The following METTL15 variants were observed in gnomAD, a reference collection of about 807,000 sequenced individuals.
METTL15 encodes 12S rRNA N(4)-cytidine methyltransferase METTL15.
In METTL15, 34 loss-of-function variants were observed where a neutral mutation model predicts 38.3. That is an observed-to-expected ratio of 0.89 (90% CI 0.68 to 1.18). The LOEUF is 1.18. Ranked by LOEUF, METTL15 falls within the 50% of genes most tolerant of loss-of-function variation. The probability of loss-of-function intolerance (pLI) is 0.00; values close to 1 mark genes in which losing one functional copy is unlikely to be tolerated. For synonymous variants in METTL15, 162 were observed against 170.9 expected, an observed-to-expected ratio of 0.95 and a Z score of 0.41; for missense variants, 438 against 498.4, an observed-to-expected ratio of 0.88 and a Z score of 1.15.
At chr11:28,467,405 AGGC>A (rs1405254841) in intron 6 of METTL15, among the ~76,000 whole-genome samples, 1 of 152,214 alleles carries the variant, frequency 6.6e-6, no homozygotes, top group Non-Finnish European at 1.5e-5. Context: ...CTCAGCTCCC[AGGC>A]CTTCGACAAG....
At chr11:28,204,960 G>C (rs928174361) in intron 3 of METTL15, among the ~76,000 whole-genome samples, 1 of 151,762 alleles carries the variant, frequency 6.6e-6, no homozygotes, top group South Asian at 2.1e-4. Context: ...TGTGTCTTTG[G>C]AGCACAAAAT....
intron 6 of METTL15, among the ~76,000 whole-genome samples, chr11:28,307,862 A>G (rs1045270684): frequency 6.6e-6 from 1 of 151,994 alleles, no homozygotes; most frequent in African/African-American, 2.4e-5. Flanking sequence ...TTGGCTACAT[A>G]TATATTTTTA....
chr11:28,435,738 A>G (rs947284644), intron 6 of METTL15, among the ~76,000 whole-genome samples: 2 of 152,184 alleles, frequency 1.3e-5, no homozygotes, highest in African/African-American at 4.8e-5. Flanking sequence ...CTACTTCATG[A>G]TATAAAAGTC....
Position 28,332,016 on chromosome 11 carries a change from A to T in METTL15, c.*1175A>T, listed in dbSNP as rs1204394443. 1 of 152,178 alleles carries T rather than the reference A, an allele frequency of 6.6e-6. No homozygotes were observed. The highest frequency in any genetic ancestry group is 2.4e-5 in the African/African-American group (1 of 41,462). 9.4% of individuals were successfully genotyped at this position (152,178 alleles called of 1,614,324 possible). A position where few individuals can be genotyped will look rare whatever the true frequency, so the allele number is the denominator to read the frequency against. The stretch of plus-strand genomic sequence containing the variant: ...AAATACAGAAAAAAGATTCTCCATT[A>T]TAGTTACAAATTTTAGGTTGGTGAA... On this transcript the variant is annotated 3_prime_UTR_variant, in exon 7 of 7. Transcript: ENST00000407364.
At chr11:28,296,104 G>A (rs900350740) in intron 5 of METTL15, among the ~76,000 whole-genome samples, 1 of 152,006 alleles carries the variant, frequency 6.6e-6, no homozygotes. Context: ...ATCTAGACTT[G>A]TTCAATACTG....
chr11:28,332,953 AG>A lies in METTL15; in HGVS notation c.*2114del, dbSNP rs1555038988. 1 of 120,752 alleles carries A rather than the reference AG, an allele frequency of 8.3e-6. No homozygotes were observed. The highest frequency in any genetic ancestry group is 2.6e-4 in the East Asian group (1 of 3,780). 7.5% of individuals were successfully genotyped at this position (120,752 alleles called of 1,614,324 possible). A position where few individuals can be genotyped will look rare whatever the true frequency, so the allele number is the denominator to read the frequency against. On this transcript the variant is annotated 3_prime_UTR_variant, in exon 7 of 7. Coordinates refer to ENST00000407364, the MANE Select transcript of METTL15 (RefSeq NM_001113528.2). ...CTCTGTCTCAAAAAAAAAAAAAAAA[AG>A]GAAGAAAGAGAAGATAGAGACACAG...
chr11:28,260,578 G>A (rs191276359), intron 4 of METTL15, among the ~76,000 whole-genome samples: 5 of 152,126 alleles, frequency 3.3e-5, no homozygotes, highest in African/African-American at 9.6e-5. Flanking sequence ...TGACTGATTC[G>A]TTCCCAGAGC....
intron 3 of METTL15, among the ~76,000 whole-genome samples, chr11:28,146,582 C>T (rs1312820053): frequency 6.6e-6 from 1 of 151,862 alleles, no homozygotes; most frequent in Non-Finnish European, 1.5e-5. Context: ...GTAATGAACC[C>T]TGTGTCATTG....
intron 6 of METTL15, among the ~76,000 whole-genome samples, chr11:28,513,948 G>C (rs182022654): frequency 3.9e-5 from 6 of 152,212 alleles, no homozygotes; most frequent in Admixed American, 6.5e-5. Context: ...CAGAGATTTT[G>C]TTTATGGCCA....
chr11:28,269,835 G>A (rs1051659409), intron 4 of METTL15, among the ~76,000 whole-genome samples: 1 of 152,210 alleles, frequency 6.6e-6, no homozygotes, highest in East Asian at 1.9e-4. Context: ...AGCCGGCCTA[G>A]TGCCAGCTTA....
intron 6 of METTL15, among the ~76,000 whole-genome samples, chr11:28,314,112 T>C (rs1355111595): frequency 1.3e-5 from 2 of 152,228 alleles, no homozygotes; most frequent in Non-Finnish European, 2.9e-5. Context: ...ATCCATTTGC[T>C]ATTGGACATC....
At chr11:28,279,629 G>A (rs553447431) in intron 4 of METTL15, among the ~76,000 whole-genome samples, 17 of 152,016 alleles carry the variant, frequency 1.1e-4, no homozygotes, top group Non-Finnish European at 2.1e-4. Flanking sequence ...GGCCGGGTGC[G>A]GTGGCTCACG....
intron 3 of METTL15, among the ~76,000 whole-genome samples, chr11:28,205,622 A>G (rs934426395): frequency 4.6e-5 from 7 of 152,066 alleles, no homozygotes; most frequent in African/African-American, 1.7e-4. Context: ...GTATATACCC[A>G]GTAATGGGAT....
Position 28,501,185 on chromosome 11 carries a change from A to T in METTL15, c.*425-25293A>T, listed in dbSNP as rs111270688. Among the ~76,000 whole-genome samples the T allele has an allele frequency of 2.9e-3, 448 of 152,328 alleles. 2 individuals carry two copies. Among genetic ancestry groups the T allele is most frequent in the African/African-American group, 0.011 (442 of 41,578 alleles). On this transcript the variant is annotated intron_variant and NMD_transcript_variant, in intron 6 of 7. Transcript: ENST00000532947. Reference sequence around the variant, plus strand: ...TATCAGCTAGAGACATTTGGGGTGGAAACAGTAGATGGGCAGCTATGTGCC... The same window carrying T: ...TATCAGCTAGAGACATTTGGGGTGGTAACAGTAGATGGGCAGCTATGTGCC...
At chr11:28,517,478 G>T (rs1055254175) in intron 6 of METTL15, among the ~76,000 whole-genome samples, 2 of 152,072 alleles carry the variant, frequency 1.3e-5, no homozygotes, top group African/African-American at 4.8e-5. Context: ...GTTGTGAGAG[G>T]GGTGGGCATC....
intron 3 of METTL15, among the ~76,000 whole-genome samples, chr11:28,342,089 T>C (rs1849957584): frequency 6.6e-6 from 1 of 152,114 alleles, no homozygotes; most frequent in South Asian, 2.1e-4. Context: ...ATTTTCACCA[T>C]GTAAAAAAGA....
At chr11:28,400,676 G>T (rs1850622531) in intron 5 of METTL15, among the ~76,000 whole-genome samples, 1 of 151,860 alleles carries the variant, frequency 6.6e-6, no homozygotes, top group African/African-American at 2.4e-5. Flanking sequence ...AACCTGAGGG[G>T]TTTACATTAC....
At position 28,305,634 on chromosome 11, in the gene METTL15, T is replaced by C. The variant is rs556863615; in HGVS notation, c.778+8703T>C. The stretch of plus-strand genomic sequence containing the variant: ...TATGATTAAGGTACAGCAGTGTTGC[T>C]GGAGAATGCTGACAGCTCAGTCTTC... On this transcript the variant is annotated intron_variant, in intron 6 of 6. Transcript: ENST00000407364. Among the ~76,000 whole-genome samples the C allele has an allele frequency of 6.6e-5, 10 of 152,294 alleles. No homozygotes were observed. In the South Asian group the frequency reaches 2.1e-3, roughly 32 times the overall value.
At chr11:28,147,133 G>A (rs946085675) in intron 3 of METTL15, among the ~76,000 whole-genome samples, 13 of 151,798 alleles carry the variant, frequency 8.6e-5, no homozygotes, top group African/African-American at 3.1e-4. Flanking sequence ...ATACCTGATA[G>A]GTTTCAGGCA....
Sources: gnomAD v4.1 joint callset for allele counts (sites outside exome capture counted in the v4.1 genomes callset) on GRCh38, gnomAD v4.1.1 for gene constraint, MANE v1.5 for transcripts, NCBI Gene and HGNC (gene_info 2026-07-23, HGNC 2026-07-21) for gene names.